TNNI3K: variants seen among roughly 807,000 people sequenced by gnomAD.
TNNI3K encodes the protein TNNI3 interacting kinase.
A neutral mutation model predicts 114.5 loss-of-function variants in TNNI3K; 140 were observed. The ratio of observed to expected loss-of-function variants is 1.22; its 90% CI spans 1.07 to 1.41. TNNI3K has a LOEUF of 1.41. TNNI3K is among the 40% of genes most tolerant of loss of function. TNNI3K has a pLI of 0.00. For missense variants in TNNI3K, 1,125 were observed against 1,007.6 expected (o/e 1.12, Z -1.58); for synonymous variants, 347 against 347.5 (o/e 1.00, Z 0.02).
chr1:74,518,019 T>C (rs1646373399), intron 23 of TNNI3K, among the ~76,000 whole-genome samples: 1 of 152,158 alleles, frequency 6.6e-6, no homozygotes, highest in Non-Finnish European at 1.5e-5. Flanking sequence ...TTCAAAGTTT[T>C]TGAGCAAGCG....
At chr1:74,500,195 G>T (rs1669538173) in intron 23 of TNNI3K, among the ~76,000 whole-genome samples, 1 of 151,712 alleles carries the variant, frequency 6.6e-6, no homozygotes, top group Non-Finnish European at 1.5e-5. Context: ...TCTTCATCAA[G>T]ATTTTATAAA....
rs139921702 is a variant in TNNI3K, at chr1:74,443,126, C to T, written c.2011+3504C>T. Among the ~76,000 whole-genome samples, 202 of 151,944 alleles carry T rather than the reference C, an allele frequency of 1.3e-3. 1 individual carries two copies. The highest frequency in any genetic ancestry group is 1.2e-3 in the Non-Finnish European group (83 of 67,902). On this transcript the variant is annotated intron_variant, in intron 20 of 24. Coordinates refer to ENST00000326637, the MANE Select transcript of TNNI3K (RefSeq NM_015978.3). ...AACTGGAGAACCAAGAGAAAACAACCACCAAAGCTAGCAGAAGAAAAGAAA... is the reference window on the plus strand; with the variant it reads ...AACTGGAGAACCAAGAGAAAACAACTACCAAAGCTAGCAGAAGAAAAGAAA...
intron 17 of TNNI3K, chr1:74,373,018 A>G (rs1376870664): frequency 2.6e-5 from 4 of 151,830 alleles, no homozygotes; most frequent in African/African-American, 9.7e-5. Context: ...TTATTTGTAG[A>G]CTATTTTCTA....
At chr1:74,339,067 T>C (rs766217295) in intron 7 of TNNI3K, among the ~76,000 whole-genome samples, 1 of 152,152 alleles carries the variant, frequency 6.6e-6, no homozygotes, top group Admixed American at 6.6e-5. Context: ...CCTTAGCTTT[T>C]TATTCCTCTG....
intron 23 of TNNI3K, among the ~76,000 whole-genome samples, chr1:74,503,098 G>A (rs968859200): frequency 3.9e-5 from 6 of 152,066 alleles, no homozygotes; most frequent in African/African-American, 1.4e-4. Flanking sequence ...CTCCACTGTG[G>A]TAGCCAAATG....
intron 17 of TNNI3K, among the ~76,000 whole-genome samples, chr1:74,392,269 T>A (rs148426631): frequency 1.3e-5 from 2 of 152,250 alleles, no homozygotes; most frequent in Non-Finnish European, 2.9e-5. Context: ...AAGGGAATAA[T>A]CTGGTACAGA....
At chr1:74,491,812 C>G (rs1197520170) in intron 22 of TNNI3K, among the ~76,000 whole-genome samples, 1 of 152,166 alleles carries the variant, frequency 6.6e-6, no homozygotes, top group East Asian at 1.9e-4. Context: ...TAATAACCTT[C>G]TAAATATATT....
At chr1:74,294,343 A>G (rs954760606) in intron 5 of TNNI3K, among the ~76,000 whole-genome samples, 2 of 152,000 alleles carry the variant, frequency 1.3e-5, no homozygotes, top group East Asian at 1.9e-4. Flanking sequence ...TAGTAAATTT[A>G]TCTAGGATAT....
At chr1:74,460,346 A>T (rs1457023170) in intron 20 of TNNI3K, among the ~76,000 whole-genome samples, 1 of 152,094 alleles carries the variant, frequency 6.6e-6, no homozygotes, top group Non-Finnish European at 1.5e-5. Flanking sequence ...GATTACAAGA[A>T]CATTTTTATC....
At chr1:74,529,786 C>T (rs1646556468) in intron 23 of TNNI3K, among the ~76,000 whole-genome samples, 1 of 152,110 alleles carries the variant, frequency 6.6e-6, no homozygotes, top group Non-Finnish European at 1.5e-5. Flanking sequence ...TAAGAAAGTT[C>T]ATATATTCAC....
intron 19 of TNNI3K, among the ~76,000 whole-genome samples, chr1:74,438,813 C>G (rs542073036): frequency 1.3e-5 from 2 of 152,140 alleles, no homozygotes; most frequent in East Asian, 3.9e-4. Context: ...TACGGAGGGA[C>G]TTGTAATATT....
At chr1:74,257,855 G>A (rs1350950415) in intron 4 of TNNI3K, among the ~76,000 whole-genome samples, 1 of 151,768 alleles carries the variant, frequency 6.6e-6, no homozygotes, top group African/African-American at 2.4e-5. Context: ...TTTTAGTAGA[G>A]ACGGGGTTTC....
At chr1:74,478,125 A>C (rs1203871947) in intron 21 of TNNI3K, among the ~76,000 whole-genome samples, 1 of 152,206 alleles carries the variant, frequency 6.6e-6, no homozygotes, top group African/African-American at 2.4e-5. Context: ...TTTTCCCACA[A>C]TCTAGAAGTA....
At chr1:74,405,661 G>A (rs1413330295) in intron 17 of TNNI3K, among the ~76,000 whole-genome samples, 1 of 152,082 alleles carries the variant, frequency 6.6e-6, no homozygotes, top group Non-Finnish European at 1.5e-5. Context: ...AGATTAAAGA[G>A]GCTAGTTAGA....
At chr1:74,402,416 C>T (rs45489993) in intron 17 of TNNI3K, among the ~76,000 whole-genome samples, 2,319 of 152,246 alleles carry the variant, frequency 0.015, 54 homozygotes, top group African/African-American at 0.052. Context: ...CTGGTTTGGA[C>T]CATTTGGAGA....
At chr1:74,328,834 T>G (rs1660051365) in intron 5 of TNNI3K, among the ~76,000 whole-genome samples, 1 of 152,102 alleles carries the variant, frequency 6.6e-6, no homozygotes, top group Non-Finnish European at 1.5e-5. Context: ...TAGGTTAACA[T>G]TTGAAAGTCC....
At chr1:74,407,781 A>G (rs1487247571) in intron 17 of TNNI3K, among the ~76,000 whole-genome samples, 7 of 152,178 alleles carry the variant, frequency 4.6e-5, no homozygotes, top group Non-Finnish European at 1.5e-5. Flanking sequence ...TCTAGGTCCC[A>G]GCCAAAGAAG....
At chr1:74,271,124 G>A (rs1338452700) in intron 4 of TNNI3K, among the ~76,000 whole-genome samples, 1 of 151,738 alleles carries the variant, frequency 6.6e-6, no homozygotes, top group African/African-American at 2.4e-5. Flanking sequence ...TCATGAAACA[G>A]CCTACTGGGC....
At chr1:74,503,729 C>T (rs1440312642) in intron 23 of TNNI3K, among the ~76,000 whole-genome samples, 1 of 152,180 alleles carries the variant, frequency 6.6e-6, no homozygotes, top group Non-Finnish European at 1.5e-5. Context: ...GCAAGTGCCA[C>T]GATGCCTATC....
Sources: allele counts gnomAD v4.1 joint callset (sites outside exome capture counted in the v4.1 genomes callset), GRCh38; gene constraint gnomAD v4.1.1; transcripts MANE v1.5; gene names NCBI Gene and HGNC (gene_info 2026-07-23, HGNC 2026-07-21).